The following CBL variants were observed in gnomAD, a reference collection of about 807,000 sequenced individuals.
The protein encoded by CBL is Cbl proto-oncogene.
In CBL, 45 loss-of-function variants were observed where a neutral mutation model predicts 96.9. The observed-to-expected ratio is 0.46, with a 90% CI of 0.37 to 0.60. The LOEUF (loss-of-function observed/expected upper bound fraction) is 0.60. Ranked by LOEUF, CBL falls within the 20% of genes least tolerant of loss-of-function variation. The pLI is 0.00. For missense variants in CBL, 1,024 were observed against 1,143.5 expected, an observed-to-expected ratio of 0.90 and a Z score of 1.51; for synonymous variants, 420 against 426.8, an observed-to-expected ratio of 0.98 and a Z score of 0.20.
At chr11:119,280,265 G>C (rs964751394) in intron 9 of CBL, among the ~76,000 whole-genome samples, 1 of 152,166 alleles carries the variant, frequency 6.6e-6, no homozygotes, top group African/African-American at 2.4e-5. Context: ...TAGAGGGGAG[G>C]TTATAATTAA....
At chr11:119,243,515 ATTTT>A (rs1424819718) in intron 2 of CBL, among the ~76,000 whole-genome samples, 2 of 96,714 alleles carry the variant, frequency 2.1e-5, no homozygotes, top group African/African-American at 3.6e-5. Context: ...AAAAAAAAAA[ATTTT>A]TTTTTTTTTT....
intron 2 of CBL, among the ~76,000 whole-genome samples, chr11:119,251,467 C>G (rs1161480108): frequency 6.6e-6 from 1 of 152,164 alleles, no homozygotes; most frequent in Admixed American, 6.5e-5. Context: ...GTGACTGTTT[C>G]ATTTCATATT....
intron 1 of CBL, among the ~76,000 whole-genome samples, chr11:119,212,892 G>A (rs1949329328): frequency 6.6e-6 from 1 of 151,478 alleles, no homozygotes; most frequent in Non-Finnish European, 1.5e-5. Context: ...TGCCTGTCCT[G>A]GCTACAGGAG....
intron 7 of CBL, 101 bp from the exon 8 acceptor site, chr11:119,278,065 A>G (rs1428738106): frequency 2.7e-6 from 3 of 1,102,078 alleles, no homozygotes; most frequent in Non-Finnish European, 2.7e-6. Context: ...TTTTTATATA[A>G]GCAAAATTTG....
Position 119,277,237 on chromosome 11 carries a change from T to TCACACACACACACACA in CBL, c.1008-519_1008-518insACACACACACACACAC, listed in dbSNP as rs1478200397. ...ACCTCAAAAAAAAAATAAGAATCTG[T>TCACACACACACACACA]CGCGCACACACACACACACACACAC... On this transcript the variant is annotated intron_variant, in intron 6 of 15. Transcript: ENST00000264033. Among the ~76,000 whole-genome samples, 344 of 57,898 alleles carry TCACACACACACACACA rather than the reference T, an allele frequency of 5.9e-3. 4 individuals carry two copies. The highest frequency in any genetic ancestry group is 0.032 in the African/African-American group (321 of 9,916). The allele number at this position is 57,898 out of a possible 152,430, so 38.0% of individuals were successfully genotyped here.
chr11:119,288,000 T>C, intron 12 of CBL, 54 bp downstream of exon 12: 1 of 1,241,076 alleles, frequency 8.1e-7, no homozygotes, highest in South Asian at 1.2e-5. Flanking sequence ...TGTAAAAAGC[T>C]TACTTGCAGA....
At chr11:119,270,416 TTATA>T (rs142299271) in intron 2 of CBL, among the ~76,000 whole-genome samples, 16 of 74,358 alleles carry the variant, frequency 2.2e-4, no homozygotes, top group East Asian at 6.4e-4. Context: ...CAGCTAATTT[TTATA>T]TATATATATA....
intron 1 of CBL, among the ~76,000 whole-genome samples, chr11:119,222,010 C>T (rs913361297): frequency 6.6e-6 from 1 of 152,156 alleles, no homozygotes; most frequent in African/African-American, 2.4e-5. Context: ...CTCTTCTTGA[C>T]AGGAGGTTAA....
chr11:119,225,642 G>A (rs546964799), intron 1 of CBL, among the ~76,000 whole-genome samples: 1 of 151,354 alleles, frequency 6.6e-6, no homozygotes, highest in Non-Finnish European at 1.5e-5. Flanking sequence ...CAAGCGATCT[G>A]CCCACCTCAG....
At chr11:119,287,974 C>T in intron 12 of CBL, 28 bp downstream of exon 12, 1 of 1,463,608 alleles carries the variant, frequency 6.8e-7, no homozygotes, top group Non-Finnish European at 9.6e-7. Context: ...ATATTTTGTA[C>T]AGTGGAGTTG....
intron 1 of CBL, among the ~76,000 whole-genome samples, chr11:119,209,832 G>A (rs927583369): frequency 5.3e-5 from 8 of 152,148 alleles, no homozygotes; most frequent in African/African-American, 1.7e-4. Context: ...ATAAGTCATG[G>A]GTTCTGGTTA....
chr11:119,266,018 C>CACAAAAAAA (rs1949800310), intron 2 of CBL, among the ~76,000 whole-genome samples: 2 of 76,038 alleles, frequency 2.6e-5, no homozygotes, highest in East Asian at 9.9e-4. Flanking sequence ...GACTCCATCT[C>CACAAAAAAA]AAAAAAAAAA....
intron 2 of CBL, among the ~76,000 whole-genome samples, chr11:119,270,792 G>T (rs961085746): frequency 1.3e-5 from 2 of 151,102 alleles, no homozygotes; most frequent in Middle Eastern, 3.4e-3. Context: ...CGTTGGCCAG[G>T]CTGGTCTTGA....
In CBL at chr11:119,306,565, CCTCT is replaced by C. The variant is rs1477387656; in HGVS notation, c.*6787_*6790del. On this transcript the variant is annotated 3_prime_UTR_variant, in exon 16 of 16. Coordinates refer to ENST00000264033, the MANE Select transcript of CBL (RefSeq NM_005188.4). Reference sequence around the variant, plus strand: ...CTGGGTGCCTGTGTGTCAGCTCCCTCCTCTCTACCTACCTCTGACCTTCTTGTGG... The same window carrying C: ...CTGGGTGCCTGTGTGTCAGCTCCCTCCTACCTACCTCTGACCTTCTTGTGG... The C allele has an allele frequency of 2.0e-5, 8 of 392,528 alleles. No homozygotes were observed. In the Admixed American group the frequency reaches 2.2e-4, roughly 11 times the overall value. 24.3% of individuals were successfully genotyped at this position (392,528 alleles called of 1,614,324 possible).
chr11:119,302,428 CT>C lies in CBL; in HGVS notation c.*2650del. ...TCCATTTGTATGGCAATTTAAAAGT[CT>C]TTGGCTTTGCTCTGAATTTAATTAA... On this transcript the variant is annotated 3_prime_UTR_variant, in exon 16 of 16. Transcript: ENST00000264033. The C allele has an allele frequency of 4.3e-6, 1 of 233,040 alleles. No individual in the cohort carries two copies. Among genetic ancestry groups the C allele is most frequent in the East Asian group, 6.0e-5 (1 of 16,562 alleles). 14.4% of individuals were successfully genotyped at this position (233,040 alleles called of 1,614,324 possible).
chr11:119,282,935 C>A (rs1318037225), intron 9 of CBL, among the ~76,000 whole-genome samples: 2 of 151,206 alleles, frequency 1.3e-5, no homozygotes, highest in African/African-American at 4.9e-5. Context: ...CTTCCCCGCG[C>A]CCCAAAAAAA....
chr11:119,289,493 T>A (rs1591266282), intron 12 of CBL: 1 of 152,144 alleles, frequency 6.6e-6, no homozygotes. Context: ...AGTGGCTACA[T>A]CACCTGTCTT....
chr11:119,229,581 T>C (rs1265258221), intron 1 of CBL, among the ~76,000 whole-genome samples: 1 of 152,056 alleles, frequency 6.6e-6, no homozygotes, highest in African/African-American at 2.4e-5. Context: ...AGCTCCAGCC[T>C]GAGAGACAGA....
At chr11:119,275,861 T>TAAA (rs1487807953) in intron 5 of CBL, 136 bp from the exon 6 acceptor site, 2 of 931,528 alleles carry the variant, frequency 2.1e-6, no homozygotes, top group Admixed American at 3.8e-5. Context: ...GACTCCATCT[T>TAAA]AAAAAAAGAA....
Sources: gnomAD v4.1 joint callset for allele counts (sites outside exome capture counted in the v4.1 genomes callset) on GRCh38, gnomAD v4.1.1 for gene constraint, MANE v1.5 for transcripts, NCBI Gene and HGNC (gene_info 2026-07-23, HGNC 2026-07-21) for gene names.